Variants in EPHA2 observed in about 807,000 individuals in gnomAD.
EPHA2 encodes the protein ephrin type-A receptor 2.
Under a neutral mutation model 104.9 loss-of-function variants are expected in EPHA2, and 54 were observed. The observed-to-expected ratio is 0.51, with a 90% confidence interval of 0.41 to 0.65. The LOEUF (loss-of-function observed/expected upper bound fraction) is 0.65. Among genes scored for constraint, EPHA2 ranks in the 30% least tolerant of loss-of-function variants. The pLI, the probability that EPHA2 is intolerant of heterozygous loss-of-function variation, is 0.00. For missense variants in EPHA2, 1,117 were observed against 1,369.5 expected (o/e 0.82, Z 2.91); for synonymous variants, 560 against 559.1 (o/e 1.00, Z -0.02).
rs917249947 is a variant in EPHA2, at chr1:16,149,046, C to T, written c.155G>A (p.Trp52Ter). The change falls in exon 3 of 17, where the codon TGG becomes TAG. Residue 52 changes from tryptophan (W) to a stop codon, truncating the protein, a stop_gained and splice_region_variant. Coordinates refer to ENST00000358432, the MANE Select transcript of EPHA2 (RefSeq NM_004431.5). LOFTEE classifies it high-confidence loss of function. Reference protein sequence around the residue: ...GWLTHPYGKGWDLMQNIMNDM... With the variant: ...GWLTHPYGKG ...ATTCATGATGTTCTGCATCAGGTCC[C>T]ACTGTGGGGGGAAGATACAGGTTAG... 1 of 1,612,598 alleles carries T rather than the reference C, an allele frequency of 6.2e-7. No homozygotes were observed. The highest frequency in any genetic ancestry group is 8.5e-7 in the Non-Finnish European group (1 of 1,180,032).
At chr1:16,137,816 G>A in intron 5 of EPHA2, 37 bp downstream of exon 5, 1 of 1,611,508 alleles carries the variant, frequency 6.2e-7, no homozygotes, top group Non-Finnish European at 8.5e-7. Flanking sequence ...CACCTGGGCA[G>A]GCCCCATAGG....
In EPHA2 at chr1:16,125,420, TGGA is replaced by T; in HGVS notation, c.2826-103_2826-101del. On this transcript the variant is annotated intron_variant, in intron 16 of 16. Coordinates refer to ENST00000358432, the MANE Select transcript of EPHA2 (RefSeq NM_004431.5). The surrounding 1 kb of genome is among the most constrained non-coding windows in gnomAD (Gnocchi z 4.9). ...CTCGGTGGGCGGCTGGGGAGGGGAG[TGGA>T]GGGAGGCAGAGGAGGAGGGTGGAGA... 1 of 600,388 alleles carries T rather than the reference TGGA, an allele frequency of 1.7e-6. No homozygotes were observed. The highest frequency in any genetic ancestry group is 4.2e-5 in the East Asian group (1 of 23,690). 37.2% of individuals were successfully genotyped at this position (600,388 alleles called of 1,614,324 possible). A position where few individuals can be genotyped will look rare whatever the true frequency, so the allele number is the denominator to read the frequency against.
intron 5 of EPHA2, among the ~76,000 whole-genome samples, chr1:16,137,430 C>T (rs935362994): frequency 3.3e-5 from 5 of 151,992 alleles, no homozygotes; most frequent in African/African-American, 1.2e-4. Flanking sequence ...AACCCTGTCT[C>T]TCCTAAAAAT....
chr1:16,127,932 C>T (rs1015190161), intron 16 of EPHA2, among the ~76,000 whole-genome samples: 2 of 152,186 alleles, frequency 1.3e-5, no homozygotes, highest in Non-Finnish European at 2.9e-5. Flanking sequence ...ACATGTGTTT[C>T]CCATAAGCAC....
At chr1:16,132,508 G>T in intron 11 of EPHA2, 69 bp from the exon 12 acceptor site, 1 of 1,558,370 alleles carries the variant, frequency 6.4e-7, no homozygotes, top group Non-Finnish European at 8.8e-7. Flanking sequence ...GCACAGATAT[G>T]GGGGAAGGTG....
Position 16,134,572 on chromosome 1 carries a change from T to C in EPHA2, c.1583-5A>G. Reference sequence around the variant, plus strand: ...AGTTGCCAGATCCCTCCGGGGCTGGTGGAAGAAATCAGCTGATGACAAGGG... The same window carrying C: ...AGTTGCCAGATCCCTCCGGGGCTGGCGGAAGAAATCAGCTGATGACAAGGG... On this transcript the variant is annotated splice_region_variant and splice_polypyrimidine_tract_variant and intron_variant, in intron 7 of 16. Coordinates refer to ENST00000358432, the MANE Select transcript of EPHA2 (RefSeq NM_004431.5). This position sits in a 1 kb window ranked among gnomAD's most constrained non-coding sequence, Gnocchi z 4.5. 3 of 1,613,772 alleles carry C rather than the reference T, an allele frequency of 1.9e-6. No homozygotes were observed. Among genetic ancestry groups the C allele is most frequent in the Non-Finnish European group, 2.5e-6 (3 of 1,179,910 alleles).
At chr1:16,141,012 C>T (rs1467848306) in intron 3 of EPHA2, among the ~76,000 whole-genome samples, 1 of 152,214 alleles carries the variant, frequency 6.6e-6, no homozygotes, top group African/African-American at 2.4e-5. Flanking sequence ...GGATTACAGG[C>T]GTGAGCCACC....
chr1:16,126,278 C>A (rs2024465213), intron 16 of EPHA2, among the ~76,000 whole-genome samples: 1 of 152,212 alleles, frequency 6.6e-6, no homozygotes, highest in Non-Finnish European at 1.5e-5. Context: ...TTATTACTCA[C>A]TTTGGGAGTT....
At position 16,125,162 on chromosome 1, in the gene EPHA2, ACT is replaced by A. The variant is rs2024440390; in HGVS notation, c.*51_*52del. 1.3e-6 allele frequency: 2 copies of A among 1,532,356 alleles called. No individual in the cohort carries two copies. The highest frequency in any genetic ancestry group is 1.1e-5 in the South Asian group (1 of 87,174). 94.9% of individuals were successfully genotyped at this position (1,532,356 alleles called of 1,614,324 possible). On this transcript the variant is annotated 3_prime_UTR_variant, in exon 17 of 17. Coordinates refer to ENST00000358432, the MANE Select transcript of EPHA2 (RefSeq NM_004431.5). This position sits in a 1 kb window ranked among gnomAD's most constrained non-coding sequence, Gnocchi z 4.9. Reference sequence around the variant, plus strand: ...CCCAGCATGGCACAGCAGGGAGGCCACTCTGTTTCTTCAAGTATTCTTGGCCG... The same window carrying A: ...CCCAGCATGGCACAGCAGGGAGGCCACTGTTTCTTCAAGTATTCTTGGCCG...
At position 16,149,019 on chromosome 1, in the gene EPHA2, T is replaced by A; in HGVS notation, c.182A>T (p.Asp61Val). Residue 61 changes from aspartate to valine, a missense_variant, in exon 3 of 17, where the codon GAC becomes GTC. Coordinates refer to ENST00000358432, the MANE Select transcript of EPHA2 (RefSeq NM_004431.5). ...GWDLMQNIMNDMPIYMYSVCN... is the reference protein window; with the variant it reads ...GWDLMQNIMNVMPIYMYSVCN... ...CACGGAGTACATGTAGATCGGCATG[T>A]CATTCATGATGTTCTGCATCAGGTC... The A allele has an allele frequency of 6.2e-7, 1 of 1,613,712 alleles. No individual in the cohort carries two copies. Among genetic ancestry groups the A allele is most frequent in the Non-Finnish European group, 8.5e-7 (1 of 1,180,032 alleles).
intron 1 of EPHA2, among the ~76,000 whole-genome samples, chr1:16,151,356 C>T (rs888328234): frequency 6.6e-6 from 1 of 152,206 alleles, no homozygotes; most frequent in Admixed American, 6.5e-5. Flanking sequence ...GCCCCCTCTG[C>T]TTCCTTGAAC....
At chr1:16,126,488 G>A (rs1423658600) in intron 16 of EPHA2, among the ~76,000 whole-genome samples, 3 of 152,228 alleles carry the variant, frequency 2.0e-5, no homozygotes, top group Non-Finnish European at 2.9e-5. Context: ...TGAGTTGGGG[G>A]GACTCCAGGA....
chr1:16,155,818 G>A (rs1413571029), intron 1 of EPHA2, 30 bp downstream of exon 1: 10 of 1,384,930 alleles, frequency 7.2e-6, no homozygotes, highest in Middle Eastern at 3.8e-4. Context: ...GGGCCCGGGG[G>A]CCAGGGGTCC....
At chr1:16,127,105 C>T (rs539900668) in intron 16 of EPHA2, among the ~76,000 whole-genome samples, 9 of 152,292 alleles carry the variant, frequency 5.9e-5, no homozygotes, top group African/African-American at 2.2e-4. Flanking sequence ...GCCATATACT[C>T]GGTGAGCTCC....
chr1:16,133,271 C>T lies in EPHA2; in HGVS notation c.1962G>A (p.Glu654=). ...AIKTLKAGYT[E]KQRVDFLGEA... ...CGCCGAGGAAGTCCACTCGCTGCTT[C>T]TCTGTGTAGCCGGCTTTCAGCGTCT... Residue 654 remains glutamate, a synonymous_variant, in exon 11 of 17, where the codon GAG becomes GAA. Transcript: ENST00000358432. 6.2e-7 allele frequency: 1 copy of T among 1,613,918 alleles called. No individual in the cohort carries two copies. Among genetic ancestry groups the T allele is most frequent in the South Asian group, 1.1e-5 (1 of 91,090 alleles).
chr1:16,129,539 CG>C lies in EPHA2; in HGVS notation c.2719del (p.Arg907AlafsTer33). On this transcript the variant is annotated frameshift_variant, in exon 16 of 17. Coordinates refer to ENST00000358432, the MANE Select transcript of EPHA2 (RefSeq NM_004431.5). LOFTEE classifies it high-confidence loss of function. ...STSGSEGVPFRTVSEWLESIK... is the reference protein window; with the variant it reads ...STSGSEGVPFXTVSEWLESIK... ...GGACTCCAGCCACTCGGACACCGTG[CG>C]GAAGGGCACCCCCTCCGAGCCGCTC... 2 of 1,613,192 alleles carry C rather than the reference CG, an allele frequency of 1.2e-6. No individual in the cohort carries two copies. The highest frequency in any genetic ancestry group is 1.3e-5 in the African/African-American group (1 of 75,002).
chr1:16,140,360 C>T (rs2024800340), intron 3 of EPHA2, among the ~76,000 whole-genome samples: 1 of 152,182 alleles, frequency 6.6e-6, no homozygotes, highest in Non-Finnish European at 1.5e-5. Flanking sequence ...GCCCGGGACC[C>T]GACTCCTGCT....
At chr1:16,140,969 G>A (rs1272007020) in intron 3 of EPHA2, among the ~76,000 whole-genome samples, 3 of 152,202 alleles carry the variant, frequency 2.0e-5, no homozygotes, top group Non-Finnish European at 2.9e-5. Flanking sequence ...CTGGCCTCAA[G>A]TGATCCTCCC....
At chr1:16,133,941 A>G (rs1557504776) in intron 8 of EPHA2, 26 bp from the exon 9 acceptor site, 1 of 1,550,194 alleles carries the variant, frequency 6.5e-7, no homozygotes, top group Non-Finnish European at 8.7e-7. Flanking sequence ...GGGGAACCAA[A>G]TGCAGGGAGG....
Sources: gnomAD v4.1 joint callset for allele counts (sites outside exome capture counted in the v4.1 genomes callset) on GRCh38, gnomAD v4.1.1 for gene constraint, Gnocchi (gnomAD v3.1) non-coding constraint, MANE v1.5 for transcripts, NCBI Gene and HGNC (gene_info 2026-07-23, HGNC 2026-07-21) for gene names.